The following UBR2 variants were observed in gnomAD, a reference collection of about 807,000 sequenced individuals.
UBR2 encodes ubiquitin protein ligase E3 component n-recognin 2, also known as E3 ubiquitin-protein ligase UBR2.
UBR2 carries 92 observed loss-of-function variants against 247.9 expected under a neutral mutation model. The ratio of observed to expected loss-of-function variants is 0.37; its 90% CI spans 0.31 to 0.44. The LOEUF (loss-of-function observed/expected upper bound fraction) is 0.44, where lower values mean the gene tolerates loss of function less well. UBR2 is among the 20% of genes least tolerant of loss of function. The probability of loss-of-function intolerance (pLI) is 1.00; values close to 1 mark genes in which losing one functional copy is unlikely to be tolerated. For synonymous variants in UBR2, 672 were observed against 693.5 expected, an observed-to-expected ratio of 0.97 and a Z score of 0.49; for missense variants, 1,613 against 2,112.6, an observed-to-expected ratio of 0.76 and a Z score of 4.64.
intron 4 of UBR2, among the ~76,000 whole-genome samples, chr6:42,602,149 G>A (rs754517975): frequency 6.6e-5 from 10 of 150,920 alleles, no homozygotes; most frequent in Non-Finnish European, 1.5e-4. Flanking sequence ...GATTACAGGC[G>A]TGAGCCACCG....
In UBR2 at chr6:42,648,412, A is replaced by G. The variant is rs115319296; in HGVS notation, c.2462+242A>G. The stretch of plus-strand genomic sequence containing the variant: ...TTCGTCACATTCAGAATAGGTGTTC[A>G]TAGCTGATGGTTTCAAATAGTAAAA... On this transcript the variant is annotated intron_variant, in intron 22 of 46. Coordinates refer to ENST00000372901, the MANE Select transcript of UBR2 (RefSeq NM_001363705.2). Among the ~76,000 whole-genome samples, 292 of 152,340 alleles carry G rather than the reference A, an allele frequency of 1.9e-3. 1 individual carries two copies. The highest frequency in any genetic ancestry group is 6.8e-3 in the African/African-American group (283 of 41,576).
chr6:42,672,106 C>T (rs1798475281), intron 36 of UBR2, among the ~76,000 whole-genome samples: 1 of 152,074 alleles, frequency 6.6e-6, no homozygotes, highest in African/African-American at 2.4e-5. Flanking sequence ...AATCTCGGCC[C>T]ACTGCAGCCT....
intron 2 of UBR2, among the ~76,000 whole-genome samples, chr6:42,583,062 G>A (rs563428034): frequency 1.2e-3 from 183 of 151,868 alleles, no homozygotes; most frequent in African/African-American, 3.8e-3. Flanking sequence ...CAAGTCCTTC[G>A]TCAGACTCAT....
At position 42,663,317 on chromosome 6, in the gene UBR2, C is replaced by T. The variant is rs148417150; in HGVS notation, c.3596C>T (p.Thr1199Met). The change falls in exon 32 of 47, where the codon ACG becomes ATG. Residue 1199 changes from threonine to methionine, a missense_variant. Around this residue, in one of 3 missense-constraint regions of UBR2, gnomAD observed 1,524 missense variants for 1,967.3 expected, o/e 0.77. Coordinates refer to ENST00000372901, the MANE Select transcript of UBR2 (RefSeq NM_001363705.2). ...QRRQQRLRLH[T>M]SYDVENGEFL... ...AGGCAACAGAGATTACGCTTACATA[C>T]GAGCTATGATGTAGAAAACGGAGAA... 4.1e-5 allele frequency: 66 copies of T among 1,613,660 alleles called. No homozygotes were observed. In the South Asian group the frequency reaches 6.2e-4, roughly 15 times the overall value.
At chr6:42,690,052 A>G (rs1265621418) in intron 46 of UBR2, among the ~76,000 whole-genome samples, 1 of 152,222 alleles carries the variant, frequency 6.6e-6, no homozygotes, top group Admixed American at 6.5e-5. Context: ...AAATGTGCTT[A>G]TTACATTAAA....
chr6:42,583,226 T>C (rs1380679031), intron 2 of UBR2, among the ~76,000 whole-genome samples: 2 of 152,176 alleles, frequency 1.3e-5, no homozygotes, highest in Non-Finnish European at 2.9e-5. Flanking sequence ...GCAAAAATAG[T>C]TTCTGTGATT....
At position 42,564,394 on chromosome 6, in the gene UBR2, G is replaced by C. The variant is rs779292085; in HGVS notation, c.75G>C (p.Ala25=). 9.3e-6 allele frequency: 15 copies of C among 1,608,988 alleles called. No homozygotes were observed. Among genetic ancestry groups the C allele is most frequent in the South Asian group, 1.1e-5 (1 of 90,074 alleles). The part of the protein sequence containing the change: ...SLLECSAEEI[A]GKWLQATDLT... ...TGGAATGTTCGGCCGAGGAGATTGCGGGGGTGAGTGCCGGAACCCGGGCGG... is the reference window on the plus strand; with the variant it reads ...TGGAATGTTCGGCCGAGGAGATTGCCGGGGTGAGTGCCGGAACCCGGGCGG... Residue 25 remains alanine, a synonymous_variant, in exon 1 of 47, where the codon GCG becomes GCC. Transcript: ENST00000372901.
intron 1 of UBR2, among the ~76,000 whole-genome samples, chr6:42,566,654 C>G (rs574364708): frequency 2.0e-5 from 3 of 152,344 alleles, no homozygotes; most frequent in Admixed American, 2.0e-4. Context: ...TCCCAAAGTC[C>G]TGGGATTACA....
intron 44 of UBR2, 47 bp downstream of exon 44, chr6:42,684,918 C>A: frequency 6.7e-7 from 1 of 1,484,020 alleles, no homozygotes; most frequent in South Asian, 1.2e-5. Context: ...CTGGAAACAC[C>A]TCTCTACAAA....
intron 44 of UBR2, among the ~76,000 whole-genome samples, chr6:42,685,470 T>C (rs1355219056): frequency 3.4e-5 from 3 of 88,558 alleles, no homozygotes; most frequent in Non-Finnish European, 5.1e-5. Context: ...CCTTAGTAAT[T>C]TTTTTTTTTT....
At chr6:42,602,095 C>G (rs959132831) in intron 4 of UBR2, among the ~76,000 whole-genome samples, 5 of 151,960 alleles carry the variant, frequency 3.3e-5, no homozygotes, top group Admixed American at 2.0e-4. Flanking sequence ...TCTTGAACTC[C>G]TGACCTCAGA....
At chr6:42,654,596 A>G (rs944973843) in intron 25 of UBR2, among the ~76,000 whole-genome samples, 1 of 152,140 alleles carries the variant, frequency 6.6e-6, no homozygotes, top group African/African-American at 2.4e-5. Context: ...GTCATGGCAC[A>G]TGCTTATAAT....
rs1263861818 is a variant in UBR2 at position 42,635,444 on chromosome 6, A to G, written c.1572A>G (p.Val524=). 2 of 1,613,848 alleles carry G rather than the reference A, an allele frequency of 1.2e-6. No individual in the cohort carries two copies. Residue 524 remains valine, a synonymous_variant, in exon 14 of 47, where the codon GTA becomes GTG. Transcript: ENST00000372901. ...MQGMDPITRQ[V]GQHIEMEPEW... Reference sequence around the variant, plus strand: ...GAATGGATCCAATTACACGTCAAGTAGGACAACATATTGAAATGGAACCAG... The same window carrying G: ...GAATGGATCCAATTACACGTCAAGTGGGACAACATATTGAAATGGAACCAG...
intron 2 of UBR2, among the ~76,000 whole-genome samples, chr6:42,580,153 C>T (rs6458297): frequency 0.75 from 114,604 of 152,068 alleles, 43,590 homozygotes; most frequent in African/African-American, 0.85. Context: ...TAATTCTGTA[C>T]GTTATCATGG....
At chr6:42,632,975 T>TA (rs70990116) in intron 13 of UBR2, 71 bp downstream of exon 13, 67 of 1,030,628 alleles carry the variant, frequency 6.5e-5, no homozygotes, top group African/African-American at 6.2e-4. Context: ...TTTTTTTTTT[T>TA]AATTTTTCTT....
At chr6:42,687,888 GTTTATAAC>G (rs1440419362) in intron 44 of UBR2, among the ~76,000 whole-genome samples, 2 of 148,238 alleles carry the variant, frequency 1.3e-5, no homozygotes, top group East Asian at 3.9e-4. Flanking sequence ...CTGTATTGAC[GTTTATAAC>G]TTTATTGATT....
intron 1 of UBR2, among the ~76,000 whole-genome samples, chr6:42,565,721 C>T (rs894789812): frequency 6.6e-6 from 1 of 151,918 alleles, no homozygotes; most frequent in Non-Finnish European, 1.5e-5. Context: ...CCACCACGCC[C>T]GGCTAATTTT....
At position 42,656,983 on chromosome 6, in the gene UBR2, C is replaced by A. The variant is rs551982913; in HGVS notation, c.2873-1041C>A. The stretch of plus-strand genomic sequence containing the variant: ...GGCATGGTGGCTCACTCCTGTAATC[C>A]CACCACTTTGGGAGATCAAGGTGGA... On this transcript the variant is annotated intron_variant, in intron 26 of 46. Coordinates refer to ENST00000372901, the MANE Select transcript of UBR2 (RefSeq NM_001363705.2). 4.6e-5 allele frequency among the ~76,000 whole-genome samples: 7 copies of A among 152,074 alleles called. No individual in the cohort carries two copies. The South Asian group carries it at 1.5e-3, about 32-fold the overall frequency.
intron 5 of UBR2, 74 bp from the exon 6 acceptor site, chr6:42,605,647 A>T: frequency 7.2e-7 from 1 of 1,395,590 alleles, no homozygotes; most frequent in South Asian, 1.4e-5. Context: ...AGGACAAAGT[A>T]GTCTCTTAAT....
Sources: gnomAD v4.1 joint callset for allele counts (sites outside exome capture counted in the v4.1 genomes callset) on GRCh38, gnomAD v4.1.1 for gene constraint, gnomAD v4.1.1 regional missense constraint, MANE v1.5 for transcripts, NCBI Gene and HGNC (gene_info 2026-07-23, HGNC 2026-07-21) for gene names.